The following BCO2 variants were observed in gnomAD, a reference collection of about 807,000 sequenced individuals.
BCO2 encodes carotenoid-cleaving dioxygenase, mitochondrial.
Under a neutral mutation model 65.8 loss-of-function variants are expected in BCO2, and 56 were observed. That is an observed-to-expected ratio of 0.85 (90% confidence interval 0.69 to 1.06). The LOEUF is 1.06. BCO2 is among the 50% of genes least tolerant of loss of function. BCO2 has a pLI of 0.00. For missense variants in BCO2, 675 were observed against 698.5 expected (o/e 0.97, Z 0.38); for synonymous variants, 233 against 242.3 (o/e 0.96, Z 0.36).
At chr11:112,185,264 C>G (rs1867167512) in intron 2 of BCO2, among the ~76,000 whole-genome samples, 1 of 152,186 alleles carries the variant, frequency 6.6e-6, no homozygotes, top group South Asian at 2.1e-4. Context: ...ACATGGTGTG[C>G]TTAGAAACTG....
chr11:112,208,068 T>C (rs1367289974), intron 8 of BCO2, among the ~76,000 whole-genome samples: 1 of 152,018 alleles, frequency 6.6e-6, no homozygotes, highest in Non-Finnish European at 1.5e-5. Context: ...CGAGCAATAC[T>C]CCCACCTCAG....
At chr11:112,181,898 T>C in intron 2 of BCO2, 1 of 772,918 alleles carries the variant, frequency 1.3e-6, no homozygotes, top group Non-Finnish European at 2.2e-6. Flanking sequence ...ACTGTGCAAA[T>C]ATCCAGGGAG....
At chr11:112,177,909 C>CTTTTTT (rs11460820) in intron 1 of BCO2, among the ~76,000 whole-genome samples, 1 of 135,390 alleles carries the variant, frequency 7.4e-6, no homozygotes, top group Admixed American at 7.6e-5. Flanking sequence ...ATGGAATTTG[C>CTTTTTT]TTTTTTTTTT....
intron 7 of BCO2, 60 bp from the exon 8 acceptor site, chr11:112,201,963 A>T: frequency 6.9e-7 from 1 of 1,440,022 alleles, no homozygotes; most frequent in African/African-American, 1.4e-5. Context: ...TTCCTAAAGG[A>T]AAGGGAAAAA....
chr11:112,202,003 GT>G lies in BCO2; in HGVS notation c.1027-17del. On this transcript the variant is annotated intron_variant, in intron 7 of 11. Transcript: ENST00000357685. Reference sequence around the variant, plus strand: ...AAAACTAAAAAAAATTTTTTTCATTGTTTGTGTTTTCCCCTGCAGCTCCTTC... The same window carrying G: ...AAAACTAAAAAAAATTTTTTTCATTGTTGTGTTTTCCCCTGCAGCTCCTTC... The G allele has an allele frequency of 6.5e-7, 1 of 1,533,002 alleles. No homozygotes were observed. Among genetic ancestry groups the G allele is most frequent in the East Asian group, 2.3e-5 (1 of 42,656 alleles). 95.0% of individuals were successfully genotyped at this position (1,533,002 alleles called of 1,614,324 possible). A position where few individuals can be genotyped will look rare whatever the true frequency, so the allele number is the denominator to read the frequency against.
At chr11:112,180,697 G>A in intron 2 of BCO2, 1 of 776,418 alleles carries the variant, frequency 1.3e-6, no homozygotes, top group Non-Finnish European at 2.4e-6. Flanking sequence ...GGGGGGAAGG[G>A]CGGGAGGAGA....
chr11:112,179,320 T>C lies in BCO2; in HGVS notation c.131T>C (p.Val44Ala). 3 of 1,614,156 alleles carry C rather than the reference T, an allele frequency of 1.9e-6. No homozygotes were observed. Among genetic ancestry groups the C allele is most frequent in the Non-Finnish European group, 2.5e-6 (3 of 1,180,024 alleles). Residue 44 changes from valine to alanine, a missense_variant, in exon 2 of 12, where the codon GTC becomes GCC. By Grantham distance (64) the Val-to-Ala change is moderately conservative. Coordinates refer to ENST00000357685, the MANE Select transcript of BCO2 (RefSeq NM_031938.7). Reference protein sequence around the residue: ...YMGNTPQKKAVFGQCRGLPCV... With the variant: ...YMGNTPQKKAAFGQCRGLPCV... ...GGAAATACTCCTCAGAAAAAAGCCG[T>C]CTTTGGGCAGTGTCGGGGTCTGCCA...
At chr11:112,215,737 C>CA (rs71060233) in intron 10 of BCO2, 127,713 of 146,368 alleles carry the variant, frequency 0.87, 56,423 homozygotes, top group East Asian at 0.96. Context: ...AACAAAAAAA[C>CA]AAAAAAAAAC....
rs539871141 is a variant in BCO2 at position 112,196,935 on chromosome 11, C to T, written c.736+2180C>T. Among the ~76,000 whole-genome samples the T allele has an allele frequency of 2.7e-5, 4 of 148,282 alleles. No homozygotes were observed. In the East Asian group the frequency reaches 7.9e-4, roughly 29 times the overall value. ...TTCCTTCCTTCCCTTCCCTTCCCTT[C>T]CCTTCCCTTCCCTTCCCTTCCCTTC... On this transcript the variant is annotated intron_variant, in intron 5 of 11. Coordinates refer to ENST00000357685, the MANE Select transcript of BCO2 (RefSeq NM_031938.7).
chr11:112,202,345 C>T lies in BCO2; in HGVS notation c.1194+155C>T, dbSNP rs148026145. ...TCACCCAGGCTGGAGTGCAATGGTG[C>T]GATCTCGGCTCACTGCAACCTCTAC... On this transcript the variant is annotated intron_variant, in intron 8 of 11. Coordinates refer to ENST00000357685, the MANE Select transcript of BCO2 (RefSeq NM_031938.7). Among the ~76,000 whole-genome samples the T allele has an allele frequency of 9.3e-4, 141 of 152,060 alleles. 3 individuals carry two copies. In the East Asian group the frequency reaches 0.025, roughly 27 times the overall value.
chr11:112,183,507 A>G (rs1406320649), intron 2 of BCO2, among the ~76,000 whole-genome samples: 2 of 152,202 alleles, frequency 1.3e-5, no homozygotes, highest in Non-Finnish European at 2.9e-5. Flanking sequence ...TTAAATAGGC[A>G]TGATGTGGAA....
At chr11:112,212,278 A>C (rs1032915199) in intron 8 of BCO2, among the ~76,000 whole-genome samples, 3 of 152,182 alleles carry the variant, frequency 2.0e-5, no homozygotes, top group Non-Finnish European at 2.9e-5. Flanking sequence ...ATCTCTATGG[A>C]GAAGCTGTGT....
chr11:112,194,467 T>C, intron 4 of BCO2, 186 bp from the exon 5 acceptor site: 1 of 527,996 alleles, frequency 1.9e-6, no homozygotes, highest in Non-Finnish European at 3.3e-6. Flanking sequence ...GTGTTTTTGT[T>C]TGTTGTTTTA....
chr11:112,198,435 C>T (rs1346306664), intron 5 of BCO2, among the ~76,000 whole-genome samples: 4 of 151,902 alleles, frequency 2.6e-5, no homozygotes, highest in Non-Finnish European at 2.9e-5. Context: ...AGAATGGTGT[C>T]TGGAATATAG....
At chr11:112,181,121 G>A in intron 2 of BCO2, 2 of 1,456,280 alleles carry the variant, frequency 1.4e-6, no homozygotes, top group South Asian at 2.3e-5. Flanking sequence ...CAGTATGCTG[G>A]CCCACATGTT....
chr11:112,211,736 T>C (rs551443996), intron 8 of BCO2, among the ~76,000 whole-genome samples: 1 of 152,232 alleles, frequency 6.6e-6, no homozygotes, highest in Non-Finnish European at 1.5e-5. Context: ...GAGCATATGT[T>C]TAAGTAGTTA....
chr11:112,217,212 G>A (rs577138312), intron 11 of BCO2, among the ~76,000 whole-genome samples: 2 of 152,316 alleles, frequency 1.3e-5, no homozygotes, highest in African/African-American at 4.8e-5. Flanking sequence ...TTTGCTGTAG[G>A]TATGAACTTC....
intron 2 of BCO2, among the ~76,000 whole-genome samples, chr11:112,192,677 C>CTT (rs71463410): frequency 6.6e-4 from 82 of 124,788 alleles, no homozygotes; most frequent in Admixed American, 1.1e-3. Flanking sequence ...TTCTTTCTTT[C>CTT]TTTTTTTTTT....
In BCO2 at chr11:112,200,619, C is replaced by T. The variant is rs151085894; in HGVS notation, c.872C>T (p.Thr291Ile). 7.3e-5 allele frequency: 117 copies of T among 1,602,958 alleles called. No individual in the cohort carries two copies. Among genetic ancestry groups the T allele is most frequent in the Non-Finnish European group, 9.5e-5 (112 of 1,176,926 alleles). ...KPSYYHSFGM[T>I]RNYIIFIEQP... is the part of the protein sequence containing the mutation. The stretch of plus-strand genomic sequence containing the variant: ...GTTTGCTGGAACCTTTTAGGAATGA[C>T]AAGGAACTATATAATTTTCATTGAA... The change falls in exon 7 of 12, where the codon ACA (threonine) becomes ATA (isoleucine). Residue 291 changes from threonine to isoleucine, a missense_variant. Thr to Ile is a moderately conservative substitution (Grantham distance 89). Transcript: ENST00000357685.
Sources: allele counts gnomAD v4.1 joint callset (sites outside exome capture counted in the v4.1 genomes callset), GRCh38; gene constraint gnomAD v4.1.1; transcripts MANE v1.5; gene names NCBI Gene and HGNC (gene_info 2026-07-23, HGNC 2026-07-21).